The following KCNT1 variants were observed in gnomAD, a reference collection of about 807,000 sequenced individuals.
KCNT1 encodes the protein potassium sodium-activated channel subfamily T member 1.
Under a neutral mutation model 147.8 loss-of-function variants are expected in KCNT1, and 78 were observed. The ratio of observed to expected loss-of-function variants is 0.53; its 90% CI spans 0.44 to 0.64. The LOEUF is 0.64. Among genes scored for constraint, KCNT1 ranks in the 30% least tolerant of loss-of-function variants. The pLI is 0.00. For synonymous variants in KCNT1, 867 were observed against 748.8 expected, an observed-to-expected ratio of 1.16 and a Z score of -2.58; for missense variants, 1,419 against 1,750.3, an observed-to-expected ratio of 0.81 and a Z score of 3.38.
chr9:135,708,105 A>T (rs74579789), intron 1 of KCNT1, among the ~76,000 whole-genome samples: 4,617 of 152,294 alleles, frequency 0.03, 176 homozygotes, highest in East Asian at 0.14. Context: ...GCTGGACACT[A>T]AGCCCAGCAC....
At position 135,768,683 on chromosome 9, in the gene KCNT1, G is replaced by C; in HGVS notation, c.1401+10G>C. 6.5e-7 allele frequency: 1 copy of C among 1,549,824 alleles called. No homozygotes were observed. Among genetic ancestry groups the C allele is most frequent in the Non-Finnish European group, 8.7e-7 (1 of 1,146,454 alleles). ...GGACCGCACGGCTGCAGTGAGTGAG[G>C]CTGAGGCCCTGCCCAGGCGGGAGGG... is the stretch of plus-strand genomic sequence containing the variant. On this transcript the variant is annotated intron_variant, in intron 14 of 30. Coordinates refer to ENST00000371757, the MANE Select transcript of KCNT1 (RefSeq NM_020822.3).
intron 19 of KCNT1, among the ~76,000 whole-genome samples, chr9:135,773,656 G>T (rs1246215244): frequency 6.6e-6 from 1 of 152,282 alleles, no homozygotes; most frequent in Non-Finnish European, 1.5e-5. Flanking sequence ...TGCCCCAGCT[G>T]CAGGGCCCGA....
rs370823091 is a variant in KCNT1 at position 135,771,205 on chromosome 9, G to C, written c.2008+110G>C. On this transcript the variant is annotated intron_variant, in intron 18 of 30. Coordinates refer to ENST00000371757, the MANE Select transcript of KCNT1 (RefSeq NM_020822.3). ...GATGGGAGACCAGGCAGGACAGGGG[G>C]AGGTGACCAGGTGGGACAGGAGACC... The C allele has an allele frequency of 1.3e-4, 129 of 1,015,776 alleles. No individual in the cohort carries two copies. In the East Asian group the frequency reaches 2.6e-3, roughly 20 times the overall value. The allele number at this position is 1,015,776 out of a possible 1,614,324, so 62.9% of individuals were successfully genotyped here. A position where few individuals can be genotyped will look rare whatever the true frequency, so the allele number is the denominator to read the frequency against.
At chr9:135,702,855 C>A (rs969685666) in intron 1 of KCNT1, 1 of 157,154 alleles carries the variant, frequency 6.4e-6, no homozygotes, top group Non-Finnish European at 1.4e-5. Context: ...GAAGAGTCCC[C>A]AGTGGGAAGT....
chr9:135,776,682 G>A (rs1027761286), intron 20 of KCNT1, among the ~76,000 whole-genome samples: 2 of 152,220 alleles, frequency 1.3e-5, no homozygotes, highest in African/African-American at 4.8e-5. Context: ...CAGGCTCCCA[G>A]CATATTCTGT....
rs1835180528 is a variant in KCNT1 at position 135,704,822 on chromosome 9, C to T, written c.110+2454C>T. Among the ~76,000 whole-genome samples the T allele has an allele frequency of 3.3e-5, 5 of 152,206 alleles. No homozygotes were observed. In the South Asian group the frequency reaches 1.0e-3, roughly 32 times the overall value. On this transcript the variant is annotated intron_variant, in intron 1 of 30. Coordinates refer to ENST00000371757, the MANE Select transcript of KCNT1 (RefSeq NM_020822.3). ...CAGTGCCTTCAGCAGCAGGAAGTAG[C>T]TCAGGGCTCATGGGAAAGGTTTGAG... is the stretch of plus-strand genomic sequence containing the variant.
Position 135,733,713 on chromosome 9 carries a change from T to C in KCNT1, c.255-16385T>C, listed in dbSNP as rs1830220825. 3.4e-5 allele frequency among the ~76,000 whole-genome samples: 5 copies of C among 147,656 alleles called. No individual in the cohort carries two copies. In the South Asian group the frequency reaches 1.1e-3, roughly 33 times the overall value. On this transcript the variant is annotated intron_variant, in intron 2 of 30. Transcript: ENST00000371757. ...CTCCACCGAGGTGACCCCAGCTAGT[T>C]TGGGGCTTCAGATCCCACTGCTGAG...
rs567459181 is a variant in KCNT1 at position 135,773,803 on chromosome 9, C to T, written c.2243+854C>T. ...TGTGTGTGTTGGGTGCTGCTGGGGACGGGGTGGTGGCCTGCTGGGGACAAC... is the reference window on the plus strand; with the variant it reads ...TGTGTGTGTTGGGTGCTGCTGGGGATGGGGTGGTGGCCTGCTGGGGACAAC... On this transcript the variant is annotated intron_variant, in intron 19 of 30. Coordinates refer to ENST00000371757, the MANE Select transcript of KCNT1 (RefSeq NM_020822.3). Among the ~76,000 whole-genome samples, 62 of 152,186 alleles carry T rather than the reference C, an allele frequency of 4.1e-4. 1 individual carries two copies. Among genetic ancestry groups the T allele is most frequent in the South Asian group, 1.5e-3 (7 of 4,820 alleles).
intron 9 of KCNT1, among the ~76,000 whole-genome samples, chr9:135,757,677 C>T (rs980512594): frequency 6.6e-6 from 1 of 152,198 alleles, no homozygotes; most frequent in Non-Finnish European, 1.5e-5. Flanking sequence ...ACCCAGGCCA[C>T]GAGGACCAGG....
At position 135,777,530 on chromosome 9, in the gene KCNT1, G is replaced by GGCCCCCCCCCCCC; in HGVS notation, c.2522+20_2522+21insGCCCCCCCCCCCC. 6.3e-7 allele frequency: 1 copy of GGCCCCCCCCCCCC among 1,588,520 alleles called. No individual in the cohort carries two copies. Reference sequence around the variant, plus strand: ...CAACAAGTGAGGCTCCTGGGGCTCAGCCCACCCCGCCCACCCGGGCCCTCA... The same window carrying GGCCCCCCCCCCCC: ...CAACAAGTGAGGCTCCTGGGGCTCAGGCCCCCCCCCCCCCCCACCCCGCCCACCCGGGCCCTCA... On this transcript the variant is annotated intron_variant, in intron 21 of 30. Coordinates refer to ENST00000371757, the MANE Select transcript of KCNT1 (RefSeq NM_020822.3).
At chr9:135,742,284 G>A (rs548131499) in intron 2 of KCNT1, among the ~76,000 whole-genome samples, 2 of 152,368 alleles carry the variant, frequency 1.3e-5, no homozygotes, top group South Asian at 4.1e-4. Flanking sequence ...GGCATGAGGT[G>A]GAGCTCACCG....
rs1834597529 is a variant in KCNT1 at position 135,792,259 on chromosome 9, G to A, written c.*98G>A. The A allele has an allele frequency of 7.1e-7, 1 of 1,409,770 alleles. No homozygotes were observed. Among genetic ancestry groups the A allele is most frequent in the Non-Finnish European group, 9.5e-7 (1 of 1,052,644 alleles). The allele number at this position is 1,409,770 out of a possible 1,614,324, so 87.3% of individuals were successfully genotyped here. Reference sequence around the variant, plus strand: ...ACGGTGGCACTAGCGTGACCCTGGGGATGGCACACTCTACTCACCATGGCT... The same window carrying A: ...ACGGTGGCACTAGCGTGACCCTGGGAATGGCACACTCTACTCACCATGGCT... On this transcript the variant is annotated 3_prime_UTR_variant, in exon 31 of 31. Transcript: ENST00000371757.
At chr9:135,768,240 C>CCG (rs1832428000) in intron 13 of KCNT1, among the ~76,000 whole-genome samples, 1 of 5,084 alleles carries the variant, frequency 2.0e-4, no homozygotes, top group Non-Finnish European at 3.0e-4. Context: ...AGGATGCCTG[C>CCG]GGGGGGGGGG....
chr9:135,718,428 C>G (rs1196405201), intron 2 of KCNT1, among the ~76,000 whole-genome samples: 1 of 152,296 alleles, frequency 6.6e-6, no homozygotes, highest in African/African-American at 2.4e-5. Flanking sequence ...GGAGGGGACA[C>G]TGGGATGGGG....
Position 135,751,039 on chromosome 9 carries a change from A to C in KCNT1, c.432A>C (p.Gly144=). The C allele has an allele frequency of 6.2e-7, 1 of 1,610,258 alleles. No homozygotes were observed. Among genetic ancestry groups the C allele is most frequent in the Non-Finnish European group, 8.5e-7 (1 of 1,179,618 alleles). ...TCGATGACCCGGCCCTGGGCATCGG[A>C]TGGTGGGCCACGTGCGCGGCCGGGC... is the stretch of plus-strand genomic sequence containing the variant. ...VLLDDPALGI[G]CWGCPKQNYS... is the part of the protein sequence containing the mutation. The change falls in exon 4 of 31, where the codon GGA becomes GGC. Residue 144 remains glycine (G), a splice_region_variant and synonymous_variant. Transcript: ENST00000371757.
At position 135,792,840 on chromosome 9, in the gene KCNT1, C is replaced by G. The variant is rs1588425016; in HGVS notation, c.*679C>G. 1 of 152,264 alleles carries G rather than the reference C, an allele frequency of 6.6e-6. No individual in the cohort carries two copies. 9.4% of individuals were successfully genotyped at this position (152,264 alleles called of 1,614,324 possible). ...GCAGAAGACGCCATTTCCTCTACTT[C>G]ACACTGAACTGTCCCAGCCACTGCA... On this transcript the variant is annotated 3_prime_UTR_variant, in exon 31 of 31. Transcript: ENST00000371757.
In KCNT1 at chr9:135,714,458, C is replaced by CCCGA. The variant is rs1230677729; in HGVS notation, c.111-116_111-115insACCG. On this transcript the variant is annotated intron_variant, in intron 1 of 30. Coordinates refer to ENST00000371757, the MANE Select transcript of KCNT1 (RefSeq NM_020822.3). The surrounding 1 kb of genome is among the most constrained non-coding windows in gnomAD (Gnocchi z 6.2). ...CCGCCCCCGCCCGGCCGCCCGCCCG[C>CCCGA]CCGGTGGGTCGCGGTGGCCGCGGGC... 3.1e-6 allele frequency: 2 copies of CCCGA among 641,662 alleles called. No homozygotes were observed. Among genetic ancestry groups the CCCGA allele is most frequent in the East Asian group, 2.8e-4 (2 of 7,072 alleles). 39.7% of individuals were successfully genotyped at this position (641,662 alleles called of 1,614,324 possible).
chr9:135,785,944 C>T (rs1275155641), intron 28 of KCNT1: 5 of 558,210 alleles, frequency 9.0e-6, no homozygotes, highest in Non-Finnish European at 1.6e-5. Flanking sequence ...CTGGCGAATC[C>T]CTTGACCAGG....
At chr9:135,777,572 C>G in intron 21 of KCNT1, 62 bp downstream of exon 21, 1 of 1,512,718 alleles carries the variant, frequency 6.6e-7, no homozygotes, top group Non-Finnish European at 9.0e-7. Context: ...CAGCCAGCAG[C>G]CTCCCCAACT....
Sources: gnomAD v4.1 joint callset for allele counts (sites outside exome capture counted in the v4.1 genomes callset) on GRCh38, gnomAD v4.1.1 for gene constraint, Gnocchi (gnomAD v3.1) non-coding constraint, MANE v1.5 for transcripts, NCBI Gene and HGNC (gene_info 2026-07-23, HGNC 2026-07-21) for gene names.